TFEC: variants seen among roughly 807,000 people sequenced by gnomAD.
TFEC encodes transcription factor EC.
TFEC carries 31 observed loss-of-function variants against 41.6 expected under a neutral mutation model. The observed-to-expected ratio is 0.74, with a 90% CI of 0.56 to 1.01. The LOEUF (loss-of-function observed/expected upper bound fraction) is 1.01. Ranked by LOEUF, TFEC falls within the 50% of genes least tolerant of loss-of-function variation. The probability of loss-of-function intolerance (pLI) is 0.00; values close to 1 mark genes in which losing one functional copy is unlikely to be tolerated. For synonymous variants in TFEC, 143 were observed against 140.6 expected (o/e 1.02, Z -0.12); for missense variants, 402 against 404.1 (o/e 0.99, Z 0.04).
chr7:115,955,950 T>C (rs1479852952), intron 4 of TFEC, among the ~76,000 whole-genome samples: 2 of 152,026 alleles, frequency 1.3e-5, no homozygotes, highest in African/African-American at 4.8e-5. Flanking sequence ...CAAAAGTTTA[T>C]TGCAGAAATC....
intron 1 of TFEC, among the ~76,000 whole-genome samples, chr7:116,152,363 G>A (rs1798779671): frequency 6.6e-6 from 1 of 152,208 alleles, no homozygotes; most frequent in Non-Finnish European, 1.5e-5. Context: ...AGAAGACAGA[G>A]ATGAGAATTT....
intron 1 of TFEC, among the ~76,000 whole-genome samples, chr7:116,128,947 A>T (rs1234568135): frequency 6.6e-6 from 1 of 152,318 alleles, no homozygotes; most frequent in Middle Eastern, 3.4e-3. Flanking sequence ...AAGTGCAAAC[A>T]TATCAGTGCT....
chr7:116,105,576 G>A (rs993615082), intron 3 of TFEC, among the ~76,000 whole-genome samples: 3 of 152,178 alleles, frequency 2.0e-5, no homozygotes, highest in Admixed American at 6.5e-5. Flanking sequence ...CTCCAGATCC[G>A]TTGGCATTGA....
chr7:116,033,483 A>G (rs1795836309), upstream of TFEC, among the ~76,000 whole-genome samples: 1 of 152,086 alleles, frequency 6.6e-6, no homozygotes, highest in Non-Finnish European at 1.5e-5. Flanking sequence ...ATGCCATGTG[A>G]GTTTTACCCA....
chr7:116,063,235 T>C (rs554525902), intron 3 of TFEC, among the ~76,000 whole-genome samples: 3 of 152,224 alleles, frequency 2.0e-5, no homozygotes, highest in African/African-American at 7.2e-5. Context: ...AGCTAATGCA[T>C]AGTGACAGAA....
intron 3 of TFEC, among the ~76,000 whole-genome samples, chr7:116,103,187 C>A (rs1797641866): frequency 6.6e-6 from 1 of 152,150 alleles, no homozygotes; most frequent in Non-Finnish European, 1.5e-5. Context: ...TGAGGGAACA[C>A]TTGGAGCCCC....
chr7:116,153,570 T>C (rs937561711), intron 1 of TFEC, among the ~76,000 whole-genome samples: 2 of 152,156 alleles, frequency 1.3e-5, no homozygotes, highest in African/African-American at 4.8e-5. Context: ...TTAATTTCTT[T>C]GTTGTCACAG....
In TFEC at chr7:115,935,884, C is replaced by T. The variant is rs781771264; in HGVS notation, c.*4667G>A. 5 of 151,388 alleles carry T rather than the reference C, an allele frequency of 3.3e-5. No individual in the cohort carries two copies. Among genetic ancestry groups the T allele is most frequent in the African/African-American group, 9.7e-5 (4 of 41,372 alleles). 9.4% of individuals were successfully genotyped at this position (151,388 alleles called of 1,614,324 possible). A position where few individuals can be genotyped will look rare whatever the true frequency, so the allele number is the denominator to read the frequency against. On this transcript the variant is annotated 3_prime_UTR_variant, in exon 8 of 8. Coordinates refer to ENST00000265440, the MANE Select transcript of TFEC (RefSeq NM_012252.4). Reference sequence around the variant, plus strand: ...AGTCATCTGATTATGCAGAAATACACATAAAAATCCCTTTACAAGCAGATA... The same window carrying T: ...AGTCATCTGATTATGCAGAAATACATATAAAAATCCCTTTACAAGCAGATA...
chr7:115,995,599 C>T (rs936701369), intron 1 of TFEC, among the ~76,000 whole-genome samples: 2 of 152,174 alleles, frequency 1.3e-5, no homozygotes, highest in Non-Finnish European at 2.9e-5. Flanking sequence ...CAACTAGCCA[C>T]ACATAAAAAC....
At chr7:116,105,073 C>A (rs947092300) in intron 3 of TFEC, among the ~76,000 whole-genome samples, 1 of 152,112 alleles carries the variant, frequency 6.6e-6, no homozygotes, top group African/African-American at 2.4e-5. Flanking sequence ...TCCCTGCAGC[C>A]CTCCAGTCCT....
At chr7:116,067,177 T>C (rs770539397) in intron 3 of TFEC, among the ~76,000 whole-genome samples, 40 of 152,028 alleles carry the variant, frequency 2.6e-4, no homozygotes, top group Non-Finnish European at 5.4e-4. Context: ...GATGAGGCCA[T>C]AGAACATAGG....
At chr7:116,126,619 T>C (rs1295214579) in intron 1 of TFEC, among the ~76,000 whole-genome samples, 5 of 152,110 alleles carry the variant, frequency 3.3e-5, no homozygotes, top group African/African-American at 1.2e-4. Flanking sequence ...AAATGACTTT[T>C]AGTATATAAT....
At chr7:116,017,313 C>G (rs1326004637) in intron 1 of TFEC, among the ~76,000 whole-genome samples, 1 of 152,168 alleles carries the variant, frequency 6.6e-6, no homozygotes, top group Non-Finnish European at 1.5e-5. Flanking sequence ...CCTCTGCCTC[C>G]CGGGTTCAAG....
At chr7:116,150,397 G>A (rs1045246255) in intron 1 of TFEC, among the ~76,000 whole-genome samples, 1 of 152,030 alleles carries the variant, frequency 6.6e-6, no homozygotes. Flanking sequence ...AGAATTCAGG[G>A]AATAAATTGC....
At chr7:115,987,216 A>C (rs529259703) in intron 1 of TFEC, among the ~76,000 whole-genome samples, 2 of 152,300 alleles carry the variant, frequency 1.3e-5, no homozygotes, top group South Asian at 4.1e-4. Flanking sequence ...TAAGCAGAAG[A>C]GTATAAAAAC....
intron 3 of TFEC, among the ~76,000 whole-genome samples, chr7:116,075,658 C>T (rs1179414466): frequency 1.3e-5 from 2 of 152,080 alleles, no homozygotes; most frequent in African/African-American, 2.4e-5. Flanking sequence ...GCAAAGGCAG[C>T]CATAACCCCT....
chr7:116,095,098 T>C (rs1169588513), intron 3 of TFEC, among the ~76,000 whole-genome samples: 2 of 152,194 alleles, frequency 1.3e-5, no homozygotes, highest in African/African-American at 4.8e-5. Flanking sequence ...ATCATTAAAA[T>C]GGTATCCAAG....
At chr7:116,109,528 C>A (rs754271263) in intron 3 of TFEC, among the ~76,000 whole-genome samples, 2 of 152,162 alleles carry the variant, frequency 1.3e-5, no homozygotes, top group Non-Finnish European at 2.9e-5. Context: ...AATGAGATAC[C>A]ATCTCACACC....
intron 1 of TFEC, among the ~76,000 whole-genome samples, chr7:116,144,656 T>C (rs986987306): frequency 2.6e-5 from 4 of 152,150 alleles, no homozygotes; most frequent in Non-Finnish European, 5.9e-5. Flanking sequence ...GGCCTCAACA[T>C]TGACATTTAC....
Sources: allele counts gnomAD v4.1 joint callset (sites outside exome capture counted in the v4.1 genomes callset), GRCh38; gene constraint gnomAD v4.1.1; transcripts MANE v1.5; gene names NCBI Gene and HGNC (gene_info 2026-07-23, HGNC 2026-07-21).